RBMS1: variants seen among roughly 807,000 people sequenced by gnomAD.
RBMS1 encodes RNA binding motif single stranded interacting protein 1.
RBMS1 carries 17 observed loss-of-function variants against 62.3 expected under a neutral mutation model. That is an observed-to-expected ratio of 0.27 (90% CI 0.19 to 0.41). RBMS1 has a LOEUF of 0.41. RBMS1 is among the 10% of genes least tolerant of loss of function. The pLI, the probability that RBMS1 is intolerant of heterozygous loss-of-function variation, is 1.00. For synonymous variants in RBMS1, 172 were observed against 170.0 expected, an observed-to-expected ratio of 1.01 and a Z score of -0.09; for missense variants, 334 against 504.5, an observed-to-expected ratio of 0.66 and a Z score of 3.24.
chr2:160,410,960 T>C (rs960149809), intron 1 of RBMS1, among the ~76,000 whole-genome samples: 1 of 152,210 alleles, frequency 6.6e-6, no homozygotes, highest in African/African-American at 2.4e-5. Context: ...GCCAGGATGG[T>C]CTCGATCTCT....
At chr2:160,427,556 TTTC>T (rs1489287566) in intron 1 of RBMS1, among the ~76,000 whole-genome samples, 3 of 79,612 alleles carry the variant, frequency 3.8e-5, no homozygotes, top group East Asian at 2.3e-3. Flanking sequence ...TACATAGAGA[TTTC>T]ATATAGATCC....
At chr2:160,363,270 A>G (rs143803392) in intron 2 of RBMS1, among the ~76,000 whole-genome samples, 185 of 152,334 alleles carry the variant, frequency 1.2e-3, no homozygotes, top group Middle Eastern at 6.8e-3. Context: ...ATACGCTGTT[A>G]GCATCATGTA....
intron 2 of RBMS1, among the ~76,000 whole-genome samples, chr2:160,336,996 CT>C (rs1370579641): frequency 6.6e-6 from 1 of 152,134 alleles, no homozygotes; most frequent in Non-Finnish European, 1.5e-5. Context: ...AACTTTTGTA[CT>C]TCTGAAGTTA....
intron 1 of RBMS1, among the ~76,000 whole-genome samples, chr2:160,374,333 G>A (rs1460797807): frequency 6.6e-6 from 1 of 152,158 alleles, no homozygotes; most frequent in Non-Finnish European, 1.5e-5. Context: ...AGTAAGAAGA[G>A]GAGTGACCAA....
At chr2:160,347,093 A>C (rs933155406) in intron 2 of RBMS1, among the ~76,000 whole-genome samples, 1 of 152,166 alleles carries the variant, frequency 6.6e-6, no homozygotes, top group East Asian at 1.9e-4. Context: ...TGAATATCAG[A>C]AAAATGAATG....
chr2:160,407,601 G>T (rs1695818327), intron 1 of RBMS1: 1 of 982,416 alleles, frequency 1.0e-6, no homozygotes. Context: ...CGAGGGGGAG[G>T]GCGCAAGGAG....
chr2:160,348,841 C>T (rs1378221466), intron 2 of RBMS1, among the ~76,000 whole-genome samples: 4 of 152,118 alleles, frequency 2.6e-5, no homozygotes, highest in Non-Finnish European at 5.9e-5. Flanking sequence ...TAAGGTAAAA[C>T]TCTATAATCT....
chr2:160,414,352 G>T (rs1383144877), intron 1 of RBMS1, among the ~76,000 whole-genome samples: 1 of 151,974 alleles, frequency 6.6e-6, no homozygotes, highest in Non-Finnish European at 1.5e-5. Context: ...AGTTAGGAGA[G>T]AAGCAGAAAA....
At chr2:160,416,224 C>A (rs1696200958) in intron 1 of RBMS1, 2 of 151,298 alleles carry the variant, frequency 1.3e-5, no homozygotes, top group Admixed American at 1.3e-4. Flanking sequence ...ATCATGACAT[C>A]AGTGATTCCT....
chr2:160,336,219 T>C (rs977989611), intron 2 of RBMS1, among the ~76,000 whole-genome samples: 1 of 152,210 alleles, frequency 6.6e-6, no homozygotes, highest in African/African-American at 2.4e-5. Flanking sequence ...TTTGGCAATC[T>C]GCAGCAAAAG....
chr2:160,450,563 T>TAAAAAAAAAA (rs71006605), intron 1 of RBMS1, among the ~76,000 whole-genome samples: 1 of 122,390 alleles, frequency 8.2e-6, no homozygotes, highest in Non-Finnish European at 1.6e-5. Flanking sequence ...AAATAAAAAA[T>TAAAAAAAAAA]GAAAAAAAAA....
At chr2:160,359,983 A>T (rs542607732) in intron 2 of RBMS1, among the ~76,000 whole-genome samples, 37 of 152,232 alleles carry the variant, frequency 2.4e-4, no homozygotes, top group African/African-American at 8.7e-4. Flanking sequence ...GCTACTTGGG[A>T]GGCTGAGGCA....
chr2:160,366,892 T>G (rs776106631), intron 2 of RBMS1: 10 of 194,180 alleles, frequency 5.1e-5, no homozygotes, highest in Non-Finnish European at 8.5e-5. Context: ...CAGAGGTGCA[T>G]CCACAAAAAA....
At chr2:160,439,027 A>T (rs1383077599) in intron 1 of RBMS1, among the ~76,000 whole-genome samples, 88 of 123,000 alleles carry the variant, frequency 7.2e-4, no homozygotes, top group Admixed American at 1.8e-3. Flanking sequence ...CTGACCCCCC[A>T]ATCTCCCTCC....
At chr2:160,327,430 A>AT (rs200681355) in intron 2 of RBMS1, among the ~76,000 whole-genome samples, 1,717 of 152,294 alleles carry the variant, frequency 0.011, 33 homozygotes, top group African/African-American at 0.039. Context: ...GCTAAGATGC[A>AT]TTTTTTTGCC....
At chr2:160,368,303 A>G (rs1470705522) in intron 1 of RBMS1, among the ~76,000 whole-genome samples, 1 of 152,136 alleles carries the variant, frequency 6.6e-6, no homozygotes, top group African/African-American at 2.4e-5. Context: ...TTCACCTCAC[A>G]TTTTCTAAAT....
At position 160,287,752 on chromosome 2, in the gene RBMS1, T is replaced by A. The variant is rs370014504; in HGVS notation, c.641-668A>T. Among the ~76,000 whole-genome samples, 3 of 152,262 alleles carry A rather than the reference T, an allele frequency of 2.0e-5. No individual in the cohort carries two copies. In the East Asian group the frequency reaches 5.8e-4, roughly 30 times the overall value. On this transcript the variant is annotated intron_variant, in intron 6 of 13. Transcript: ENST00000348849. ...AGTGAATGAATAGAAATAGGTCTCA[T>A]ATGTTTATTTTTGGGATACGTCAGT...
chr2:160,421,495 G>A (rs947309898), intron 1 of RBMS1, among the ~76,000 whole-genome samples: 7 of 152,142 alleles, frequency 4.6e-5, no homozygotes, highest in Non-Finnish European at 1.0e-4. Flanking sequence ...TTTTATGGCT[G>A]CATAGTATTC....
intron 7 of RBMS1, among the ~76,000 whole-genome samples, chr2:160,286,253 C>T (rs1211990938): frequency 6.8e-6 from 1 of 146,074 alleles, no homozygotes; most frequent in Non-Finnish European, 1.5e-5. Context: ...TAGGCTATAA[C>T]CACACCACTG....
Sources: gnomAD v4.1 joint callset for allele counts (sites outside exome capture counted in the v4.1 genomes callset) on GRCh38, gnomAD v4.1.1 for gene constraint, MANE v1.5 for transcripts, NCBI Gene and HGNC (gene_info 2026-07-23, HGNC 2026-07-21) for gene names.